ZNF346: variants seen among roughly 807,000 people sequenced by gnomAD.
ZNF346 encodes zinc finger protein 346.
In ZNF346, 23 loss-of-function variants were observed where a neutral mutation model predicts 33.7. The ratio of observed to expected loss-of-function variants is 0.68; its 90% CI spans 0.49 to 0.97. ZNF346 has a LOEUF of 0.97. ZNF346 is among the 50% of genes least tolerant of loss of function. The pLI is 0.00. For missense variants in ZNF346, 340 were observed against 371.1 expected (o/e 0.92, Z 0.69); for synonymous variants, 134 against 142.4 (o/e 0.94, Z 0.42).
chr5:177,023,136 C>A, intron 1 of ZNF346: 1 of 1,425,132 alleles, frequency 7.0e-7, no homozygotes, highest in Non-Finnish European at 9.6e-7. Context: ...GGTTTTCCTC[C>A]TCCTCCTTCA....
intron 1 of ZNF346, among the ~76,000 whole-genome samples, chr5:177,026,352 A>ATTTTT (rs59380094): frequency 3.9e-5 from 4 of 101,900 alleles, no homozygotes; most frequent in African/African-American, 8.5e-5. Flanking sequence ...TGGATTGGTA[A>ATTTTT]TTTTTTTTTT....
At chr5:177,027,274 A>G (rs1469826819) in intron 1 of ZNF346, among the ~76,000 whole-genome samples, 3 of 151,974 alleles carry the variant, frequency 2.0e-5, no homozygotes, top group African/African-American at 7.2e-5. Flanking sequence ...GCTGGTCTCA[A>G]ACTCCTGACC....
intron 1 of ZNF346, chr5:177,023,205 T>C: frequency 1.3e-6 from 2 of 1,536,716 alleles, no homozygotes; most frequent in Non-Finnish European, 1.7e-6. Context: ...ATACTCGTCC[T>C]GTCGGAGACC....
chr5:177,023,281 C>T (rs562336104), intron 1 of ZNF346: 1 of 1,343,212 alleles, frequency 7.4e-7, no homozygotes, highest in African/African-American at 1.4e-5. Flanking sequence ...TCCCCATCGT[C>T]CCAATCTCCA....
chr5:177,048,217 T>TAAG (rs1172439217), intron 4 of ZNF346, among the ~76,000 whole-genome samples: 1 of 152,152 alleles, frequency 6.6e-6, no homozygotes, highest in Non-Finnish European at 1.5e-5. Flanking sequence ...GTTCTAGACT[T>TAAG]ACTTACACTT....
At chr5:177,052,429 C>T (rs998301822) in intron 5 of ZNF346, 6 of 151,706 alleles carry the variant, frequency 4.0e-5, no homozygotes, top group Admixed American at 6.6e-5. Flanking sequence ...GTGATCCACC[C>T]GCCATGACCT....
intron 5 of ZNF346, among the ~76,000 whole-genome samples, chr5:177,053,727 T>A (rs1293273208): frequency 6.6e-6 from 1 of 152,186 alleles, no homozygotes; most frequent in Non-Finnish European, 1.5e-5. Context: ...TACTGTGCAT[T>A]CCAACTGTAT....
chr5:177,045,046 A>G (rs961952697), intron 4 of ZNF346, among the ~76,000 whole-genome samples: 2 of 152,246 alleles, frequency 1.3e-5, no homozygotes, highest in African/African-American at 4.8e-5. Flanking sequence ...CTGCCCCACA[A>G]TCTGTAACTG....
At chr5:177,022,970 A>C in intron 1 of ZNF346, 57 bp downstream of exon 1, 1 of 1,440,848 alleles carries the variant, frequency 6.9e-7, no homozygotes. Flanking sequence ...GCTCGCGGGG[A>C]ACTGCGGAAG....
rs902292942 is a variant in ZNF346, at chr5:177,061,987, A to C, written c.704-71A>C. On this transcript the variant is annotated intron_variant, in intron 5 of 6. Coordinates refer to ENST00000358149, the MANE Select transcript of ZNF346 (RefSeq NM_012279.4). ...TCCGTCCTTAGAAGGGCATTTGTAC[A>C]CTCTGAAAAGCAACGGTCTTCAGGT... 2.8e-5 allele frequency: 39 copies of C among 1,373,102 alleles called. No individual in the cohort carries two copies. The Admixed American group carries it at 6.7e-4, about 24-fold the overall frequency. 85.1% of individuals were successfully genotyped at this position (1,373,102 alleles called of 1,614,324 possible).
At chr5:177,041,076 G>A (rs761634855) in intron 1 of ZNF346, 50 bp from the exon 2 acceptor site, 1 of 1,404,694 alleles carries the variant, frequency 7.1e-7, no homozygotes, top group South Asian at 1.2e-5. Context: ...AGGCAGTGCT[G>A]TTGAGGTAGT....
Position 177,064,651 on chromosome 5 carries a change from G to A in ZNF346, c.*52G>A, listed in dbSNP as rs1177668198. On this transcript the variant is annotated 3_prime_UTR_variant, in exon 7 of 7. Coordinates refer to ENST00000358149, the MANE Select transcript of ZNF346 (RefSeq NM_012279.4). Reference sequence around the variant, plus strand: ...TGGGCCAGCCATGAGCCAGCTTCCCGTGACTGCTCAGCCCTTGGCTCCCTC... The same window carrying A: ...TGGGCCAGCCATGAGCCAGCTTCCCATGACTGCTCAGCCCTTGGCTCCCTC... The A allele has an allele frequency of 1.4e-6, 2 of 1,442,488 alleles. No homozygotes were observed. Among genetic ancestry groups the A allele is most frequent in the South Asian group, 2.3e-5 (2 of 87,696 alleles). 89.4% of individuals were successfully genotyped at this position (1,442,488 alleles called of 1,614,324 possible).
intron 1 of ZNF346, among the ~76,000 whole-genome samples, chr5:177,038,913 T>TCC (rs1315869195): frequency 6.9e-6 from 1 of 143,894 alleles, no homozygotes; most frequent in Admixed American, 7.0e-5. Context: ...TGTGTGTGTG[T>TCC]GTCCGAGTTT....
At chr5:177,070,660 G>C (rs905904475), downstream of ZNF346, among the ~76,000 whole-genome samples, 2 of 152,182 alleles carry the variant, frequency 1.3e-5, no homozygotes, top group Admixed American at 6.5e-5. Flanking sequence ...AATGATAGCT[G>C]CTGCTCTTTC....
chr5:177,024,820 A>G (rs529210908), intron 1 of ZNF346, among the ~76,000 whole-genome samples: 1 of 152,350 alleles, frequency 6.6e-6, no homozygotes. Context: ...ACTGTCTGCT[A>G]TGTGTATATG....
At position 177,050,956 on chromosome 5, in the gene ZNF346, A is replaced by G; in HGVS notation, c.703+20A>G. On this transcript the variant is annotated intron_variant, in intron 5 of 6. Coordinates refer to ENST00000358149, the MANE Select transcript of ZNF346 (RefSeq NM_012279.4). ...TTCCAGGTGAGGGGGCCTAGCTCAC[A>G]CCCAGAGCTGGACCAGGGTTTGGCC... The G allele has an allele frequency of 6.3e-7, 1 of 1,597,396 alleles. No individual in the cohort carries two copies. Among genetic ancestry groups the G allele is most frequent in the East Asian group, 2.2e-5 (1 of 44,760 alleles).
chr5:177,045,789 C>T (rs181821273), intron 4 of ZNF346, among the ~76,000 whole-genome samples: 53 of 152,124 alleles, frequency 3.5e-4, no homozygotes, highest in African/African-American at 1.3e-3. Context: ...CCACACCTGG[C>T]CACTCATAAT....
chr5:177,037,105 C>T (rs757253304), intron 1 of ZNF346, among the ~76,000 whole-genome samples: 13 of 152,208 alleles, frequency 8.5e-5, no homozygotes, highest in Admixed American at 2.0e-4. Flanking sequence ...CAGTTTTGTC[C>T]GGTTTTGTCA....
rs138526000 is a variant in ZNF346 at position 177,033,967 on chromosome 5, G to A, written c.176-7159G>A. Among the ~76,000 whole-genome samples the A allele has an allele frequency of 5.9e-5, 9 of 152,142 alleles. No homozygotes were observed. The East Asian group carries it at 7.7e-4, about 13-fold the overall frequency. On this transcript the variant is annotated intron_variant, in intron 1 of 6. Coordinates refer to ENST00000358149, the MANE Select transcript of ZNF346 (RefSeq NM_012279.4). ...TGCAATCCTGGCTCATTGTAGCCTC[G>A]AGCTCCCAAACTCAGGTGATCCTCC... is the stretch of plus-strand genomic sequence containing the variant.
Sources: allele counts gnomAD v4.1 joint callset (sites outside exome capture counted in the v4.1 genomes callset), GRCh38; gene constraint gnomAD v4.1.1; transcripts MANE v1.5; gene names NCBI Gene and HGNC (gene_info 2026-07-23, HGNC 2026-07-21).